Variants in HRCT1 observed in about 807,000 individuals in gnomAD.
HRCT1 encodes histidine-rich carboxyl terminus protein 1.
For missense variants in HRCT1, 185 were observed against 161.3 expected, an observed-to-expected ratio of 1.15 and a Z score of -0.80; for synonymous variants, 76 against 69.0, an observed-to-expected ratio of 1.10 and a Z score of -0.50.
chr9:35,906,336 G>A lies in HRCT1; in HGVS notation c.49G>A (p.Ala17Thr). 6.2e-7 allele frequency: 1 copy of A among 1,611,944 alleles called. No homozygotes were observed. The highest frequency in any genetic ancestry group is 8.5e-7 in the Non-Finnish European group (1 of 1,179,682). Residue 17 changes from alanine to threonine, a missense_variant, in exon 1 of 1, where the codon GCT (alanine) becomes ACT (threonine). By Grantham distance (58) the Ala-to-Thr change is moderately conservative. Coordinates refer to ENST00000354323, the MANE Select transcript of HRCT1 (RefSeq NM_001039792.2). The stretch of plus-strand genomic sequence containing the variant: ...AGCCCTCGTGGGATGGATCACAGGT[G>A]CTGCTGTGGCGGTCCTGCTGCTGCT... ...STALVGWITG[A>T]AVAVLLLLLL... is the part of the protein sequence containing the mutation.
At position 35,906,598 on chromosome 9, in the gene HRCT1, A is replaced by G. The variant is rs58509439; in HGVS notation, c.311A>G (p.His104Arg). The change falls in exon 1 of 1, where the codon CAC becomes CGC. Residue 104 changes from histidine (H) to arginine (R), a missense_variant. Physicochemically the swap from His to Arg is conservative, Grantham distance 29. Transcript: ENST00000354323. ...RHTPHHLHHH[H>R]HPHRHHPRHA... ...ACCCCTCACCACCTCCACCACCACC[A>G]CCACCCCCACCGCCACCATCCCCGC... The G allele has an allele frequency of 8.1e-5, 97 of 1,195,442 alleles. No individual in the cohort carries two copies. Among genetic ancestry groups the G allele is most frequent in the Middle Eastern group, 5.7e-4 (2 of 3,506 alleles). The allele number at this position is 1,195,442 out of a possible 1,614,324, so 74.1% of individuals were successfully genotyped here.
At position 35,907,022 on chromosome 9, in the gene HRCT1, G is replaced by T; in HGVS notation, c.*387G>T. On this transcript the variant is annotated 3_prime_UTR_variant, in exon 1 of 1. Coordinates refer to ENST00000354323, the MANE Select transcript of HRCT1 (RefSeq NM_001039792.2). Reference sequence around the variant, plus strand: ...CATCAGGCTGCTGCAGGCCTCTGGCGGGCAGGGCACTGGGAGAGGCCCTGA... The same window carrying T: ...CATCAGGCTGCTGCAGGCCTCTGGCTGGCAGGGCACTGGGAGAGGCCCTGA... 3.4e-6 allele frequency: 1 copy of T among 295,438 alleles called. No homozygotes were observed. Among genetic ancestry groups the T allele is most frequent in the South Asian group, 9.6e-5 (1 of 10,390 alleles). The allele number at this position is 295,438 out of a possible 1,614,324, so 18.3% of individuals were successfully genotyped here. A position where few individuals can be genotyped will look rare whatever the true frequency, so the allele number is the denominator to read the frequency against.
chr9:35,906,776 G>C lies in HRCT1; in HGVS notation c.*141G>C. 8.3e-7 allele frequency: 1 copy of C among 1,206,466 alleles called. No homozygotes were observed. The highest frequency in any genetic ancestry group is 1.2e-6 in the Non-Finnish European group (1 of 868,900). The allele number at this position is 1,206,466 out of a possible 1,614,324, so 74.7% of individuals were successfully genotyped here. Reference sequence around the variant, plus strand: ...GAACAATAGACTGGGGCTTGCTCCAGCTGCATTTGCATGGCATGCCCCAGT... The same window carrying C: ...GAACAATAGACTGGGGCTTGCTCCACCTGCATTTGCATGGCATGCCCCAGT... On this transcript the variant is annotated 3_prime_UTR_variant, in exon 1 of 1. Coordinates refer to ENST00000354323, the MANE Select transcript of HRCT1 (RefSeq NM_001039792.2).
rs149194522 is a variant in HRCT1 at position 35,906,471 on chromosome 9, C to G, written c.184C>G (p.Arg62Gly). ...RVRRAQPWPF[R>G]RRGHLGIFHH... ...CCGCCGGGCCCAGCCTTGGCCCTTC[C>G]GGCGGCGGGGCCACCTGGGAATCTT... Residue 62 changes from arginine to glycine, a missense_variant, in exon 1 of 1, where the codon CGG becomes GGG. Arg to Gly is a moderately radical substitution (Grantham distance 125, BLOSUM62 -2). Transcript: ENST00000354323. 64 of 1,608,614 alleles carry G rather than the reference C, an allele frequency of 4.0e-5. No individual in the cohort carries two copies. The African/African-American group carries it at 8.2e-4, about 21-fold the overall frequency.
In HRCT1 at chr9:35,906,394, G is replaced by A. The variant is rs769384446; in HGVS notation, c.107G>A (p.Arg36Gln). 11 of 1,612,520 alleles carry A rather than the reference G, an allele frequency of 6.8e-6. No individual in the cohort carries two copies. Among genetic ancestry groups the A allele is most frequent in the Non-Finnish European group, 8.5e-6 (10 of 1,179,980 alleles). The change falls in exon 1 of 1, where the codon CGG becomes CAG. Residue 36 changes from arginine (R) to glutamine (Q), a missense_variant. Arg to Gln is a conservative substitution (Grantham distance 43). Coordinates refer to ENST00000354323, the MANE Select transcript of HRCT1 (RefSeq NM_001039792.2). ...LLLATCLFHG[R>Q]QDCDVERNRT... is the part of the protein sequence containing the mutation. ...CTGGCCACCTGCCTTTTCCACGGAC[G>A]GCAGGACTGTGACGTGGAGAGGAAC...
chr9:35,906,604 C>CCCACCGCCACCACCA lies in HRCT1; in HGVS notation c.329_330insCCACCACCGCCACCA (p.His110_Pro111insHisHisArgHisHis), dbSNP rs1554690925. On this transcript the variant is annotated inframe_insertion, in exon 1 of 1. Coordinates refer to ENST00000354323, the MANE Select transcript of HRCT1 (RefSeq NM_001039792.2). ...CACCACCTCCACCACCACCACCACC[C>CCCACCGCCACCACCA]CCACCGCCACCATCCCCGCCACGCT... 74 of 1,157,750 alleles carry CCCACCGCCACCACCA rather than the reference C, an allele frequency of 6.4e-5. No individual in the cohort carries two copies. In the African/African-American group the frequency reaches 1.9e-3, roughly 29 times the overall value. The allele number at this position is 1,157,750 out of a possible 1,614,324, so 71.7% of individuals were successfully genotyped here.
At position 35,906,447 on chromosome 9, in the gene HRCT1, C is replaced by T. The variant is rs370065980; in HGVS notation, c.160C>T (p.Arg54Cys). Residue 54 changes from arginine (R) to cysteine (C), a missense_variant, in exon 1 of 1, where the codon CGC becomes TGC. Transcript: ENST00000354323. ...TACAGCTGCAGGGGGAAACCGAGTC[C>T]GCCGGGCCCAGCCTTGGCCCTTCCG... ...NRTAAGGNRV[R>C]RAQPWPFRRR... 64 of 1,612,934 alleles carry T rather than the reference C, an allele frequency of 4.0e-5. No homozygotes were observed. The highest frequency in any genetic ancestry group is 1.6e-4 in the Middle Eastern group (1 of 6,084).
Position 35,906,303 on chromosome 9 carries a change from G to A in HRCT1, c.16G>A (p.Gly6Arg), listed in dbSNP as rs1165390382. 1.2e-6 allele frequency: 2 copies of A among 1,605,492 alleles called. No individual in the cohort carries two copies. The change falls in exon 1 of 1, where the codon GGG becomes AGG. Residue 6 changes from glycine (G) to arginine (R), a missense_variant. Transcript: ENST00000354323. ...CGGCTCCCAGATGCTGGGCCTCCTGGGGAGCACAGCCCTCGTGGGATGGAT... is the reference window on the plus strand; with the variant it reads ...CGGCTCCCAGATGCTGGGCCTCCTGAGGAGCACAGCCCTCGTGGGATGGAT... MLGLL[G>R]STALVGWITG... is the part of the protein sequence containing the mutation.
Position 35,906,604 on chromosome 9 carries a change from C to CCCGCCA in HRCT1, c.319_320insGCCACC (p.Pro106_His107insArgHis). The CCCGCCA allele has an allele frequency of 8.7e-7, 1 of 1,154,920 alleles. No homozygotes were observed. The highest frequency in any genetic ancestry group is 1.2e-6 in the Non-Finnish European group (1 of 867,280). The allele number at this position is 1,154,920 out of a possible 1,614,324, so 71.5% of individuals were successfully genotyped here. On this transcript the variant is annotated inframe_insertion, in exon 1 of 1. Coordinates refer to ENST00000354323, the MANE Select transcript of HRCT1 (RefSeq NM_001039792.2). ...CACCACCTCCACCACCACCACCACC[C>CCCGCCA]CCACCGCCACCATCCCCGCCACGCT...
At chr9:35,906,578 TCA>T in the HRCT1 span, 1 of 1,277,590 alleles carries the variant, frequency 7.8e-7, no homozygotes, top group Non-Finnish European at 1.0e-6. Flanking sequence ...GCCACACCCC[TCA>T]CCACCTCCAC....
At chr9:35,906,558 CA>C in the HRCT1 span, 8 of 1,570,276 alleles carry the variant, frequency 5.1e-6, no homozygotes, top group South Asian at 2.2e-5. Context: ...CCACCACCAC[CA>C]CCACCCCCGC....
Position 35,906,884 on chromosome 9 carries a change from G to A in HRCT1, c.*249G>A, listed in dbSNP as rs1833110802. ...GAGTGGAGAGCAAGGGTGCTCTTTC[G>A]GGGCTGGACAGCCCGTCTTGTGACA... On this transcript the variant is annotated 3_prime_UTR_variant, in exon 1 of 1. Coordinates refer to ENST00000354323, the MANE Select transcript of HRCT1 (RefSeq NM_001039792.2). 5.5e-6 allele frequency: 3 copies of A among 548,830 alleles called. No individual in the cohort carries two copies. The highest frequency in any genetic ancestry group is 2.9e-5 in the East Asian group (1 of 34,406). The allele number at this position is 548,830 out of a possible 1,614,324, so 34.0% of individuals were successfully genotyped here.
chr9:35,906,340 C>G lies in HRCT1; in HGVS notation c.53C>G (p.Ala18Gly). The change falls in exon 1 of 1, where the codon GCT (alanine) becomes GGT (glycine). Residue 18 changes from alanine to glycine, a missense_variant. By Grantham distance (60) the Ala-to-Gly change is moderately conservative. Transcript: ENST00000354323. Reference protein sequence around the residue: ...TALVGWITGAAVAVLLLLLLL... With the variant: ...TALVGWITGAGVAVLLLLLLL... ...CTCGTGGGATGGATCACAGGTGCTG[C>G]TGTGGCGGTCCTGCTGCTGCTGCTG... 1 of 1,611,380 alleles carries G rather than the reference C, an allele frequency of 6.2e-7. No homozygotes were observed. Among genetic ancestry groups the G allele is most frequent in the Middle Eastern group, 1.7e-4 (1 of 5,952 alleles).
Position 35,906,750 on chromosome 9 carries a change from G to T in HRCT1, c.*115G>T. The stretch of plus-strand genomic sequence containing the variant: ...GGATGCATCTCTGGGGTGAACGAGG[G>T]GAACAATAGACTGGGGCTTGCTCCA... On this transcript the variant is annotated 3_prime_UTR_variant, in exon 1 of 1. Coordinates refer to ENST00000354323, the MANE Select transcript of HRCT1 (RefSeq NM_001039792.2). 1 of 1,415,738 alleles carries T rather than the reference G, an allele frequency of 7.1e-7. No homozygotes were observed. Among genetic ancestry groups the T allele is most frequent in the Non-Finnish European group, 9.5e-7 (1 of 1,047,856 alleles). The allele number at this position is 1,415,738 out of a possible 1,614,324, so 87.7% of individuals were successfully genotyped here. A position where few individuals can be genotyped will look rare whatever the true frequency, so the allele number is the denominator to read the frequency against.
chr9:35,906,260 G>T lies in HRCT1; in HGVS notation c.-28G>T. 6.4e-7 allele frequency: 1 copy of T among 1,572,406 alleles called. No individual in the cohort carries two copies. The highest frequency in any genetic ancestry group is 8.6e-7 in the Non-Finnish European group (1 of 1,157,418). On this transcript the variant is annotated 5_prime_UTR_variant, in exon 1 of 1. Transcript: ENST00000354323. ...GGGGAGAAAGGAGTGAGGAGCTGCT[G>T]GGCAGAGAGGGACTGTCCGGCTCCC...
Position 35,906,598 on chromosome 9 carries a change from A to ACCACCACCACCACCCCCACCC in HRCT1, c.316_317insACCACCACCCCCACCCCCACC (p.His105_Pro106insHisHisHisProHisProHis). The ACCACCACCACCACCCCCACCC allele has an allele frequency of 8.4e-7, 1 of 1,194,688 alleles. No individual in the cohort carries two copies. Among genetic ancestry groups the ACCACCACCACCACCCCCACCC allele is most frequent in the Non-Finnish European group, 1.1e-6 (1 of 910,636 alleles). 74.0% of individuals were successfully genotyped at this position (1,194,688 alleles called of 1,614,324 possible). ...ACCCCTCACCACCTCCACCACCACC[A>ACCACCACCACCACCCCCACCC]CCACCCCCACCGCCACCATCCCCGC... On this transcript the variant is annotated inframe_insertion, in exon 1 of 1. Transcript: ENST00000354323.
the HRCT1 span, chr9:35,906,463 GGCCCTTCC>G: frequency 6.2e-7 from 1 of 1,605,990 alleles, no homozygotes; most frequent in Non-Finnish European, 8.5e-7. Context: ...GCCCAGCCTT[GGCCCTTCC>G]GGCGGCGGGG....
rs755441253 is a variant in HRCT1 at position 35,906,594 on chromosome 9, C to CACT, written c.309_310insTAC (p.His103_His104insTyr). On this transcript the variant is annotated inframe_insertion, in exon 1 of 1. Transcript: ENST00000354323. ...CCACACCCCTCACCACCTCCACCAC[C>CACT]ACCACCACCCCCACCGCCACCATCC... 6.6e-7 allele frequency: 1 copy of CACT among 1,513,690 alleles called. No homozygotes were observed. The highest frequency in any genetic ancestry group is 1.4e-5 in the African/African-American group (1 of 69,972). The allele number at this position is 1,513,690 out of a possible 1,614,324, so 93.8% of individuals were successfully genotyped here.
chr9:35,906,598 A>ACCACCCCACCACCACCC, the HRCT1 span: 1 of 1,194,688 alleles, frequency 8.4e-7, no homozygotes, highest in Non-Finnish European at 1.1e-6. Context: ...CACCACCACC[A>ACCACCCCACCACCACCC]CCACCCCCAC....
Sources: gnomAD v4.1 joint callset for allele counts on GRCh38, gnomAD v4.1.1 for gene constraint, MANE v1.5 for transcripts, NCBI Gene and HGNC (gene_info 2026-07-23, HGNC 2026-07-21) for gene names.